Variants in SAMD4A observed in about 807,000 individuals in gnomAD.
The protein encoded by SAMD4A is protein Smaug homolog 1.
In SAMD4A, 33 loss-of-function variants were observed where a neutral mutation model predicts 81.3. That is an observed-to-expected ratio of 0.41 (90% CI 0.31 to 0.54). The LOEUF is 0.54. Ranked by LOEUF, SAMD4A falls within the 20% of genes least tolerant of loss-of-function variation. SAMD4A has a pLI of 0.37. For missense variants in SAMD4A, 854 were observed against 951.1 expected (o/e 0.90, Z 1.34); for synonymous variants, 389 against 382.1 (o/e 1.02, Z -0.21).
chr14:54,718,529 C>A (rs1292039893), intron 3 of SAMD4A, among the ~76,000 whole-genome samples: 2 of 152,108 alleles, frequency 1.3e-5, no homozygotes, highest in African/African-American at 4.8e-5. Context: ...ATTGCTTTTG[C>A]CTGCAGGCTA....
intron 2 of SAMD4A, among the ~76,000 whole-genome samples, chr14:54,684,622 CCA>C (rs1555342986): frequency 1.5e-5 from 2 of 135,856 alleles, no homozygotes; most frequent in African/African-American, 5.3e-5. Flanking sequence ...GCCCCCCCCC[CCA>C]ACCAGAAACG....
Position 54,620,647 on chromosome 14 carries a change from T to C in SAMD4A, c.196+52535T>C, listed in dbSNP as rs140350203. On this transcript the variant is annotated intron_variant, in intron 2 of 12. Transcript: ENST00000554335. ...GAGATCTTTATTTTAAAATTGAAAT[T>C]AAACCAGGCAGGAAAGAAGTCGTAA... Among the ~76,000 whole-genome samples the C allele has an allele frequency of 1.4e-4, 22 of 152,334 alleles. No homozygotes were observed. The East Asian group carries it at 3.7e-3, about 25-fold the overall frequency.
chr14:54,635,223 G>A (rs1046941122), intron 2 of SAMD4A, among the ~76,000 whole-genome samples: 5 of 152,078 alleles, frequency 3.3e-5, no homozygotes, highest in African/African-American at 4.8e-5. Context: ...AGGAGTTCAA[G>A]ACCAGCCTGG....
chr14:54,766,909 G>A (rs1172472106), intron 8 of SAMD4A, among the ~76,000 whole-genome samples: 1 of 152,084 alleles, frequency 6.6e-6, no homozygotes, highest in Admixed American at 6.5e-5. Context: ...CTGCCATCCT[G>A]CATGTCCTCC....
chr14:54,688,790 C>G (rs987406025), intron 2 of SAMD4A, among the ~76,000 whole-genome samples: 2 of 152,140 alleles, frequency 1.3e-5, no homozygotes, highest in Admixed American at 6.5e-5. Flanking sequence ...CAGCCTTACT[C>G]GATCCTCCAA....
At chr14:54,783,168 A>AC (rs1490305939) in intron 11 of SAMD4A, among the ~76,000 whole-genome samples, 11 of 151,996 alleles carry the variant, frequency 7.2e-5, no homozygotes, top group Admixed American at 3.9e-4. Flanking sequence ...AAAAAAAAAA[A>AC]AAAAAACAAA....
chr14:54,776,015 TAAAAA>T (rs10539223), intron 10 of SAMD4A, among the ~76,000 whole-genome samples: 81 of 89,834 alleles, frequency 9.0e-4, no homozygotes, highest in African/African-American at 2.2e-3. Flanking sequence ...GTAAGAATCT[TAAAAA>T]AAAAAAAAAA....
chr14:54,771,319 T>A (rs1294372583), intron 9 of SAMD4A, among the ~76,000 whole-genome samples: 1 of 152,198 alleles, frequency 6.6e-6, no homozygotes, highest in African/African-American at 2.4e-5. Flanking sequence ...ATGACAACCA[T>A]GTGAGGTAGA....
chr14:54,577,996 G>T (rs999301082), intron 2 of SAMD4A, among the ~76,000 whole-genome samples: 1 of 152,230 alleles, frequency 6.6e-6, no homozygotes, highest in Non-Finnish European at 1.5e-5. Context: ...GGCTTCATCA[G>T]ATTTGGACGA....
intron 4 of SAMD4A, among the ~76,000 whole-genome samples, chr14:54,742,697 A>G (rs753036090): frequency 6.6e-6 from 1 of 152,152 alleles, no homozygotes; most frequent in African/African-American, 2.4e-5. Context: ...ACGAATCAAC[A>G]CCAACTGAGT....
chr14:54,706,655 G>C (rs2036867286), intron 3 of SAMD4A, among the ~76,000 whole-genome samples: 1 of 151,888 alleles, frequency 6.6e-6, no homozygotes, highest in Non-Finnish European at 1.5e-5. Flanking sequence ...GAAAAAGCAA[G>C]CTTTTGCAGG....
intron 9 of SAMD4A, among the ~76,000 whole-genome samples, chr14:54,771,017 G>T (rs1018669416): frequency 1.3e-5 from 2 of 152,054 alleles, no homozygotes; most frequent in African/African-American, 4.8e-5. Flanking sequence ...ACCTGAAAGG[G>T]TCTGAATTCA....
rs149878125 is a variant in SAMD4A, at chr14:54,622,756, G to A, written c.196+54644G>A. On this transcript the variant is annotated intron_variant, in intron 2 of 12. Coordinates refer to ENST00000554335, the MANE Select transcript of SAMD4A (RefSeq NM_015589.6). Reference sequence around the variant, plus strand: ...TGATTTGACTGGTCTGTCGTGCAGCGTAGGCGTGGGGAGTTTTGCTCCTCA... The same window carrying A: ...TGATTTGACTGGTCTGTCGTGCAGCATAGGCGTGGGGAGTTTTGCTCCTCA... Among the ~76,000 whole-genome samples, 752 of 152,316 alleles carry A rather than the reference G, an allele frequency of 4.9e-3. 7 individuals carry two copies. The highest frequency in any genetic ancestry group is 0.028 in the South Asian group (133 of 4,828).
intron 2 of SAMD4A, among the ~76,000 whole-genome samples, chr14:54,590,414 C>A (rs1274702262): frequency 2.0e-5 from 3 of 152,096 alleles, no homozygotes; most frequent in Non-Finnish European, 1.5e-5. Flanking sequence ...TCGCCTGAGC[C>A]CAGGAGGTCG....
At chr14:54,674,983 G>T (rs1217961419) in intron 2 of SAMD4A, among the ~76,000 whole-genome samples, 1 of 152,214 alleles carries the variant, frequency 6.6e-6, no homozygotes, top group East Asian at 1.9e-4. Flanking sequence ...GAGCTCCCAG[G>T]TTCAAACGAT....
intron 6 of SAMD4A, 38 bp downstream of exon 6, chr14:54,751,575 A>G (rs765866934): frequency 2.3e-6 from 3 of 1,310,546 alleles, no homozygotes; most frequent in South Asian, 1.2e-5. Context: ...CACTTTCATT[A>G]TGGGAAAATG....
At chr14:54,679,956 G>A (rs953661719) in intron 2 of SAMD4A, among the ~76,000 whole-genome samples, 3 of 152,220 alleles carry the variant, frequency 2.0e-5, no homozygotes, top group African/African-American at 7.2e-5. Context: ...TAGTGACCTC[G>A]AGGATTTGGA....
At chr14:54,685,225 C>T (rs2057365) in intron 2 of SAMD4A, among the ~76,000 whole-genome samples, 25,647 of 151,258 alleles carry the variant, frequency 0.17, 2,333 homozygotes, top group Middle Eastern at 0.24. Flanking sequence ...TTATCATCAT[C>T]CCAAACAGAA....
At chr14:54,745,269 C>T (rs2037939455) in intron 4 of SAMD4A, among the ~76,000 whole-genome samples, 1 of 152,208 alleles carries the variant, frequency 6.6e-6, no homozygotes, top group Non-Finnish European at 1.5e-5. Flanking sequence ...TTCAGCATTG[C>T]ATATCTCAGC....
Sources: gnomAD v4.1 joint callset for allele counts (sites outside exome capture counted in the v4.1 genomes callset) on GRCh38, gnomAD v4.1.1 for gene constraint, MANE v1.5 for transcripts, NCBI Gene and HGNC (gene_info 2026-07-23, HGNC 2026-07-21) for gene names.